Variants in CHRNB1 observed in about 807,000 individuals in gnomAD.
The protein encoded by CHRNB1 is acetylcholine receptor subunit beta.
In CHRNB1, 47 loss-of-function variants were observed where a neutral mutation model predicts 53.8. The ratio of observed to expected loss-of-function variants is 0.87; its 90% confidence interval spans 0.69 to 1.11. The LOEUF (loss-of-function observed/expected upper bound fraction) is 1.11. Among genes scored for constraint, CHRNB1 ranks in the 50% most tolerant of loss-of-function variants. CHRNB1 has a pLI of 0.00. For synonymous variants in CHRNB1, 259 were observed against 263.5 expected, an observed-to-expected ratio of 0.98 and a Z score of 0.16; for missense variants, 605 against 654.9, an observed-to-expected ratio of 0.92 and a Z score of 0.83.
Position 7,454,428 on chromosome 17 carries a change from C to T in CHRNB1, c.952C>T (p.Leu318Phe). 16 of 1,614,104 alleles carry T rather than the reference C, an allele frequency of 9.9e-6. No homozygotes were observed. The highest frequency in any genetic ancestry group is 1.4e-5 in the Non-Finnish European group (16 of 1,180,022). ...IIKYLMFTMV[L>F]VTFSVILSVV... ...CAAGTACCTCATGTTTACCATGGTC[C>T]TCGTCACCTTCTCAGTCATCCTTAG... The change falls in exon 8 of 11, where the codon CTC (leucine) becomes TTC (phenylalanine). Residue 318 changes from leucine (L) to phenylalanine (F), a missense_variant. Transcript: ENST00000306071.
intron 6 of CHRNB1, among the ~76,000 whole-genome samples, chr17:7,448,112 G>A (rs865924778): frequency 5.1e-5 from 7 of 137,914 alleles, no homozygotes; most frequent in African/African-American, 1.6e-4. Flanking sequence ...AGGGCCTGGC[G>A]CAGTGGCTCA....
chr17:7,454,503 C>T lies in CHRNB1; in HGVS notation c.1027C>T (p.Pro343Ser), dbSNP rs760292772. ...HHRSPHTHQMPLWVRQIFIHK... is the reference protein window; with the variant it reads ...HHRSPHTHQMSLWVRQIFIHK... The stretch of plus-strand genomic sequence containing the variant: ...CCGCTCACCCCACACCCACCAAATG[C>T]CCCTTTGGGTCCGTCAGGTAAGAAA... The change falls in exon 8 of 11, where the codon CCC becomes TCC. Residue 343 changes from proline to serine, a missense_variant. Coordinates refer to ENST00000306071, the MANE Select transcript of CHRNB1 (RefSeq NM_000747.3). 1.2e-6 allele frequency: 2 copies of T among 1,614,064 alleles called. No individual in the cohort carries two copies. The highest frequency in any genetic ancestry group is 2.2e-5 in the South Asian group (2 of 91,074).
chr17:7,453,582 CTTTT>C (rs71157287), intron 7 of CHRNB1, among the ~76,000 whole-genome samples: 124 of 96,010 alleles, frequency 1.3e-3, no homozygotes, highest in African/African-American at 4.3e-3. Context: ...AAAAGCCTGT[CTTTT>C]TTTTTTTTTT....
Position 7,454,365 on chromosome 17 carries a change from A to T in CHRNB1, c.889A>T (p.Lys297Ter). 6.2e-7 allele frequency: 1 copy of T among 1,614,132 alleles called. No individual in the cohort carries two copies. Among genetic ancestry groups the T allele is most frequent in the Non-Finnish European group, 8.5e-7 (1 of 1,180,022 alleles). ...TGTGTTCCTGCTGCTGCTGGCTGAC[A>T]AAGTACCTGAGACCTCACTATCAGT... ...LTVFLLLLADKVPETSLSVPI... is the reference protein window; with the variant it reads ...LTVFLLLLAD Residue 297 changes from lysine to a stop codon, truncating the protein, a stop_gained, in exon 8 of 11, where the codon AAA becomes TAA. Coordinates refer to ENST00000306071, the MANE Select transcript of CHRNB1 (RefSeq NM_000747.3). LOFTEE classifies it high-confidence loss of function.
At position 7,445,662 on chromosome 17, in the gene CHRNB1, G is replaced by C. The variant is rs1908575551; in HGVS notation, c.198+253G>C. The C allele has an allele frequency of 6.6e-6, 9 of 1,371,862 alleles. No homozygotes were observed. Among genetic ancestry groups the C allele is most frequent in the Non-Finnish European group, 7.7e-6 (8 of 1,042,904 alleles). 85.0% of individuals were successfully genotyped at this position (1,371,862 alleles called of 1,614,324 possible). On this transcript the variant is annotated intron_variant, in intron 2 of 10. Transcript: ENST00000306071. This position sits in a 1 kb window ranked among gnomAD's most constrained non-coding sequence, Gnocchi z 5.7. ...GATCGGACCTTAAAGTGGGGCTGGG[G>C]ACGAGGCAGGGGCTGGGGGACGGAC...
chr17:7,454,544 C>A, intron 8 of CHRNB1, 24 bp downstream of exon 8: 1 of 1,591,348 alleles, frequency 6.3e-7, no homozygotes, highest in Non-Finnish European at 8.6e-7. Flanking sequence ...CCTCCTCCAA[C>A]CCCAATTTTC....
At chr17:7,451,691 A>G (rs1908895326) in intron 7 of CHRNB1, among the ~76,000 whole-genome samples, 1 of 152,072 alleles carries the variant, frequency 6.6e-6, no homozygotes, top group Non-Finnish European at 1.5e-5. Flanking sequence ...CCAGGACACC[A>G]TGGCCTGGTG....
chr17:7,445,162 C>G lies in CHRNB1; in HGVS notation c.35C>G (p.Ala12Gly). The G allele has an allele frequency of 6.2e-7, 1 of 1,609,346 alleles. No individual in the cohort carries two copies. The highest frequency in any genetic ancestry group is 8.5e-7 in the Non-Finnish European group (1 of 1,179,374). The change falls in exon 1 of 11, where the codon GCG becomes GGG. Residue 12 changes from alanine (A) to glycine (G), a missense_variant. Ala to Gly is a moderately conservative substitution (Grantham distance 60, BLOSUM62 0). Coordinates refer to ENST00000306071, the MANE Select transcript of CHRNB1 (RefSeq NM_000747.3). The surrounding 1 kb of genome is among the most constrained non-coding windows in gnomAD (Gnocchi z 5.7). ...GGGGCTCTGCTGATGCTGCTGGGGG[C>G]GCTGGGGGCGCCGCTCGCCCCAGGT... is the stretch of plus-strand genomic sequence containing the variant. ...TPGALLMLLG[A>G]LGAPLAPGVR...
intron 10 of CHRNB1, 24 bp downstream of exon 10, chr17:7,455,965 A>C (rs991905008): frequency 1.2e-6 from 2 of 1,613,022 alleles, no homozygotes; most frequent in Non-Finnish European, 1.7e-6. Flanking sequence ...GGGTGGAACA[A>C]GGCCAGGTCT....
intron 5 of CHRNB1, 125 bp from the exon 6 acceptor site, chr17:7,447,378 C>G: frequency 8.4e-7 from 1 of 1,192,446 alleles, no homozygotes; most frequent in Non-Finnish European, 1.2e-6. Flanking sequence ...CCATTAATGG[C>G]TTCCCTTCAT....
At position 7,456,468 on chromosome 17, in the gene CHRNB1, C is replaced by T. The variant is rs2069951671; in HGVS notation, c.1366-115C>T. 4 of 1,348,462 alleles carry T rather than the reference C, an allele frequency of 3.0e-6. No individual in the cohort carries two copies. In the African/African-American group the frequency reaches 5.7e-5, roughly 19 times the overall value. The allele number at this position is 1,348,462 out of a possible 1,614,324, so 83.5% of individuals were successfully genotyped here. A position where few individuals can be genotyped will look rare whatever the true frequency, so the allele number is the denominator to read the frequency against. ...CTCGCTCTCCTGTTGGCGCTGCCGG[C>T]TGTTGCCTCAAACCAGTGGTAGGAG... On this transcript the variant is annotated intron_variant, in intron 10 of 10. Coordinates refer to ENST00000306071, the MANE Select transcript of CHRNB1 (RefSeq NM_000747.3).
chr17:7,447,594 TG>T lies in CHRNB1; in HGVS notation c.557del (p.Gly186ValfsTer32), dbSNP rs759546377. ...TCGGAGGTCAGCCTGCAGACAGGCC[TG>T]GGTCCTGACGGGCAAGGGCATCAGG... ...DSSEVSLQTG[L>X]GPDGQGHQEI... On this transcript the variant is annotated frameshift_variant, in exon 6 of 11. Transcript: ENST00000306071. LOFTEE classifies it high-confidence loss of function. The T allele has an allele frequency of 1.2e-6, 2 of 1,614,084 alleles. No individual in the cohort carries two copies. Among genetic ancestry groups the T allele is most frequent in the Admixed American group, 1.7e-5 (1 of 60,006 alleles).
chr17:7,445,401 A>T lies in CHRNB1; in HGVS notation c.190A>T (p.Ile64Phe). ...VSVGLILAQL[I>F]SLNEKDEEMS... is the part of the protein sequence containing the mutation. ...CGTTGGTCTCATCCTGGCGCAACTC[A>T]TCAGCCTGGTGAGGGCGCGCGGGGG... Residue 64 changes from isoleucine to phenylalanine, a missense_variant, in exon 2 of 11, where the codon ATC becomes TTC. Ile to Phe is a conservative substitution (Grantham distance 21). Coordinates refer to ENST00000306071, the MANE Select transcript of CHRNB1 (RefSeq NM_000747.3). The surrounding 1 kb of genome is among the most constrained non-coding windows in gnomAD (Gnocchi z 5.7). 5 of 1,611,244 alleles carry T rather than the reference A, an allele frequency of 3.1e-6. No homozygotes were observed. Among genetic ancestry groups the T allele is most frequent in the Non-Finnish European group, 4.2e-6 (5 of 1,179,384 alleles).
chr17:7,446,303 TTGTGTGTGTG>T (rs370471983), intron 3 of CHRNB1, 190 bp downstream of exon 3: 3 of 477,902 alleles, frequency 6.3e-6, no homozygotes, highest in Admixed American at 6.7e-5. Context: ...AATTCCAATT[TTGTGTGTGTG>T]TGTGTGTGTG....
At position 7,447,074 on chromosome 17, in the gene CHRNB1, A is replaced by C. The variant is rs772793418; in HGVS notation, c.385A>C (p.Ile129Leu). The C allele has an allele frequency of 1.9e-6, 3 of 1,614,076 alleles. No homozygotes were observed. Among genetic ancestry groups the C allele is most frequent in the Non-Finnish European group, 2.5e-6 (3 of 1,180,024 alleles). Reference sequence around the variant, plus strand: ...TGGGAATTTTGACGTGGCTCTGGACATTAGCGTCGTGGTGTCCTCCGACGG... The same window carrying C: ...TGGGAATTTTGACGTGGCTCTGGACCTTAGCGTCGTGGTGTCCTCCGACGG... ...NDGNFDVALD[I>L]SVVVSSDGSV... Residue 129 changes from isoleucine to leucine, a missense_variant, in exon 5 of 11, where the codon ATT (isoleucine) becomes CTT (leucine). Coordinates refer to ENST00000306071, the MANE Select transcript of CHRNB1 (RefSeq NM_000747.3).
rs533396145 is a variant in CHRNB1 at position 7,453,370 on chromosome 17, C to T, written c.821-927C>T. Among the ~76,000 whole-genome samples the T allele has an allele frequency of 1.2e-3, 190 of 152,214 alleles. 1 individual carries two copies. Among genetic ancestry groups the T allele is most frequent in the African/African-American group, 4.5e-3 (185 of 41,528 alleles). On this transcript the variant is annotated intron_variant, in intron 7 of 10. Coordinates refer to ENST00000306071, the MANE Select transcript of CHRNB1 (RefSeq NM_000747.3). ...CTGACCTCAGGTGATTCGCCTGCCT[C>T]GGCCTCGCAAAGTGCTGGGATTACG...
chr17:7,455,757 CT>C, intron 9 of CHRNB1, 36 bp from the exon 10 acceptor site: 1 of 1,614,096 alleles, frequency 6.2e-7, no homozygotes, highest in Non-Finnish European at 8.5e-7. Context: ...CACTGGCTGT[CT>C]TTGCGTTTGG....
rs1159394678 is a variant in CHRNB1, at chr17:7,446,959, A to T, written c.353+17A>T. ...ACTGAACAAGTAGGAGAACTTCCAA[A>T]GCCCGGGAGGTGGCGCGGGGCCTCG... On this transcript the variant is annotated intron_variant, in intron 4 of 10. Coordinates refer to ENST00000306071, the MANE Select transcript of CHRNB1 (RefSeq NM_000747.3). 1 of 1,200,128 alleles carries T rather than the reference A, an allele frequency of 8.3e-7. No homozygotes were observed. The highest frequency in any genetic ancestry group is 1.5e-5 in the African/African-American group (1 of 65,408). 74.3% of individuals were successfully genotyped at this position (1,200,128 alleles called of 1,614,324 possible). A position where few individuals can be genotyped will look rare whatever the true frequency, so the allele number is the denominator to read the frequency against.
Position 7,457,040 on chromosome 17 carries a change from G to T in CHRNB1, c.*317G>T. 1 of 346,308 alleles carries T rather than the reference G, an allele frequency of 2.9e-6. No homozygotes were observed. Among genetic ancestry groups the T allele is most frequent in the Non-Finnish European group, 5.5e-6 (1 of 180,782 alleles). 21.5% of individuals were successfully genotyped at this position (346,308 alleles called of 1,614,324 possible). On this transcript the variant is annotated 3_prime_UTR_variant, in exon 11 of 11. Coordinates refer to ENST00000306071, the MANE Select transcript of CHRNB1 (RefSeq NM_000747.3). ...TGAGGTCAAGAAATGTGACTTGGCC[G>T]GGCGCGGTGGCTCACGCCTGTAATC...
Sources: allele counts gnomAD v4.1 joint callset (sites outside exome capture counted in the v4.1 genomes callset), GRCh38; gene constraint gnomAD v4.1.1; non-coding constraint Gnocchi (gnomAD v3.1); transcripts MANE v1.5; gene names NCBI Gene and HGNC (gene_info 2026-07-23, HGNC 2026-07-21).